Variants in SLC1A4 observed in about 807,000 individuals in gnomAD.
SLC1A4 encodes neutral amino acid transporter A.
A neutral mutation model predicts 37.7 loss-of-function variants in SLC1A4; 19 were observed. The observed-to-expected ratio is 0.50, with a 90% CI of 0.35 to 0.74. SLC1A4 has a LOEUF of 0.74. Ranked by LOEUF, SLC1A4 falls within the 30% of genes least tolerant of loss-of-function variation. The probability of loss-of-function intolerance (pLI) is 0.01; values close to 1 mark genes in which losing one functional copy is unlikely to be tolerated. For missense variants in SLC1A4, 570 were observed against 712.9 expected, an observed-to-expected ratio of 0.80 and a Z score of 2.28; for synonymous variants, 299 against 309.8, an observed-to-expected ratio of 0.97 and a Z score of 0.37.
At chr2:65,014,499 T>C (rs540930720) in intron 4 of SLC1A4, among the ~76,000 whole-genome samples, 123 of 152,308 alleles carry the variant, frequency 8.1e-4, no homozygotes, top group Admixed American at 7.6e-3. Context: ...CTCATGACTG[T>C]AGGATGTTTA....
At chr2:64,992,557 A>G (rs1289421770) in intron 1 of SLC1A4, among the ~76,000 whole-genome samples, 3 of 152,188 alleles carry the variant, frequency 2.0e-5, no homozygotes, top group Non-Finnish European at 4.4e-5. Context: ...CAGGTGGTAT[A>G]TCCCATTTTA....
chr2:64,989,766 C>T lies in SLC1A4; in HGVS notation c.123C>T (p.Arg41=), dbSNP rs1672971168. The T allele has an allele frequency of 6.9e-7, 1 of 1,449,092 alleles. No individual in the cohort carries two copies. Among genetic ancestry groups the T allele is most frequent in the African/African-American group, 1.5e-5 (1 of 66,662 alleles). The allele number at this position is 1,449,092 out of a possible 1,614,324, so 89.8% of individuals were successfully genotyped here. The change falls in exon 1 of 8, where the codon CGC becomes CGT. Residue 41 remains arginine (R), a synonymous_variant. Transcript: ENST00000234256. ...RARRCAGFLR[R]QALVLLTVSG... Reference sequence around the variant, plus strand: ...GGCGTTGCGCGGGCTTCCTGCGGCGCCAAGCGCTGGTGCTGCTCACCGTGT... The same window carrying T: ...GGCGTTGCGCGGGCTTCCTGCGGCGTCAAGCGCTGGTGCTGCTCACCGTGT...
At position 64,990,102 on chromosome 2, in the gene SLC1A4, G is replaced by T; in HGVS notation, c.459G>T (p.Leu153=). 6.2e-7 allele frequency: 1 copy of T among 1,610,696 alleles called. No homozygotes were observed. Among genetic ancestry groups the T allele is most frequent in the Non-Finnish European group, 8.5e-7 (1 of 1,178,766 alleles). The change falls in exon 1 of 8, where the codon CTG becomes CTT. Residue 153 remains leucine (L), a synonymous_variant. Coordinates refer to ENST00000234256, the MANE Select transcript of SLC1A4 (RefSeq NM_003038.5). Reference sequence around the variant, plus strand: ...CGCAGACCCTTCAGTCCAGCGACCTGGGGCTGGAGGACTCGGGGCCTCCTC... The same window carrying T: ...CGCAGACCCTTCAGTCCAGCGACCTTGGGCTGGAGGACTCGGGGCCTCCTC... ...SGAQTLQSSD[L]GLEDSGPPPV... is the part of the protein sequence containing the mutation.
chr2:65,001,531 G>A (rs1354946920), intron 2 of SLC1A4, 41 bp downstream of exon 2: 2 of 1,570,330 alleles, frequency 1.3e-6, no homozygotes, highest in Non-Finnish European at 1.8e-6. Flanking sequence ...AACTTTGATG[G>A]AAGAAATGTA....
chr2:65,008,785 A>C (rs1673786976), intron 3 of SLC1A4, among the ~76,000 whole-genome samples: 1 of 152,210 alleles, frequency 6.6e-6, no homozygotes, highest in African/African-American at 2.4e-5. Flanking sequence ...GTTGGTTTTC[A>C]TTTGCCTGAC....
chr2:65,003,069 G>A (rs1673539413), intron 2 of SLC1A4, among the ~76,000 whole-genome samples: 1 of 152,146 alleles, frequency 6.6e-6, no homozygotes, highest in South Asian at 2.1e-4. Flanking sequence ...AAAAATATAG[G>A]TATATGGGGC....
chr2:65,013,949 T>G (rs1426492239), intron 4 of SLC1A4, among the ~76,000 whole-genome samples: 2 of 152,332 alleles, frequency 1.3e-5, no homozygotes, highest in African/African-American at 4.8e-5. Context: ...TGAAAGAGCA[T>G]GACTGTGTTC....
At position 65,021,320 on chromosome 2, in the gene SLC1A4, G is replaced by A. The variant is rs1332328272; in HGVS notation, c.*174G>A. ...GGCACTGGCATTGGGCTCCCCAGCC[G>A]GAACTGGTTACCAAGGACAAGGACA... On this transcript the variant is annotated 3_prime_UTR_variant, in exon 8 of 8. Transcript: ENST00000234256. The A allele has an allele frequency of 3.1e-5, 19 of 603,734 alleles. No homozygotes were observed. Among genetic ancestry groups the A allele is most frequent in the Non-Finnish European group, 4.1e-5 (14 of 340,762 alleles). 37.4% of individuals were successfully genotyped at this position (603,734 alleles called of 1,614,324 possible).
Position 65,009,737 on chromosome 2 carries a change from G to A in SLC1A4, c.634-860G>A, listed in dbSNP as rs1433633618. On this transcript the variant is annotated intron_variant, in intron 3 of 7. Transcript: ENST00000234256. ...GCAGTAAGGAGATTCAGCATTGCTG[G>A]AAAAAATTAAGAATACAGTATGTCT... 2.0e-5 allele frequency among the ~76,000 whole-genome samples: 3 copies of A among 152,272 alleles called. No homozygotes were observed. In the East Asian group the frequency reaches 5.8e-4, roughly 29 times the overall value.
chr2:65,006,777 GT>G (rs981103437), intron 3 of SLC1A4, among the ~76,000 whole-genome samples: 18 of 151,966 alleles, frequency 1.2e-4, no homozygotes, highest in Non-Finnish European at 2.1e-4. Context: ...CTAAAAAAAA[GT>G]TTTTTTTCTA....
At chr2:65,000,845 A>G (rs1673427498) in intron 1 of SLC1A4, 1 of 152,390 alleles carries the variant, frequency 6.6e-6, no homozygotes. Context: ...TAACAGGACA[A>G]ATGTGTGGGA....
chr2:65,021,217 C>A lies in SLC1A4; in HGVS notation c.*71C>A. The A allele has an allele frequency of 1.6e-6, 2 of 1,284,534 alleles. No homozygotes were observed. The highest frequency in any genetic ancestry group is 2.2e-6 in the Non-Finnish European group (2 of 899,598). The allele number at this position is 1,284,534 out of a possible 1,614,324, so 79.6% of individuals were successfully genotyped here. A position where few individuals can be genotyped will look rare whatever the true frequency, so the allele number is the denominator to read the frequency against. On this transcript the variant is annotated 3_prime_UTR_variant, in exon 8 of 8. Transcript: ENST00000234256. ...TGTTCACCCAGCCGCCAGTCATGGA[C>A]ACAGGGCACTGCCCTTGCCAACTTT...
intron 1 of SLC1A4, among the ~76,000 whole-genome samples, chr2:64,992,643 G>C (rs185816058): frequency 6.6e-6 from 1 of 152,132 alleles, no homozygotes; most frequent in Non-Finnish European, 1.5e-5. Context: ...GAGATTAGAA[G>C]GACTGTGGGT....
intron 1 of SLC1A4, chr2:65,000,419 T>C (rs1485885889): frequency 6.6e-6 from 1 of 152,180 alleles, no homozygotes; most frequent in Non-Finnish European, 1.5e-5. Context: ...AGGAAAATAA[T>C]TATAACAAAA....
chr2:65,002,111 C>A (rs758043513), intron 2 of SLC1A4, among the ~76,000 whole-genome samples: 1 of 152,058 alleles, frequency 6.6e-6, no homozygotes, highest in Non-Finnish European at 1.5e-5. Flanking sequence ...GAAACCCCGT[C>A]TCCATTAAAG....
intron 7 of SLC1A4, among the ~76,000 whole-genome samples, chr2:65,020,548 T>C (rs1433432574): frequency 6.6e-6 from 1 of 152,152 alleles, no homozygotes; most frequent in Non-Finnish European, 1.5e-5. Context: ...ATTACAGACA[T>C]GAGCCACTGT....
At position 64,989,519 on chromosome 2, in the gene SLC1A4, C is replaced by A; in HGVS notation, c.-125C>A. 1.2e-6 allele frequency: 1 copy of A among 839,126 alleles called. No homozygotes were observed. Among genetic ancestry groups the A allele is most frequent in the Non-Finnish European group, 1.7e-6 (1 of 605,798 alleles). The allele number at this position is 839,126 out of a possible 1,614,324, so 52.0% of individuals were successfully genotyped here. ...CCTGCTCCTGCGCCAGGCCCGGAGA[C>A]CCCCGGGGCGGCTTCCCAGAACCTG... On this transcript the variant is annotated 5_prime_UTR_variant, in exon 1 of 8. Coordinates refer to ENST00000234256, the MANE Select transcript of SLC1A4 (RefSeq NM_003038.5).
At chr2:65,017,865 G>C (rs139122993) in intron 5 of SLC1A4, among the ~76,000 whole-genome samples, 2 of 152,222 alleles carry the variant, frequency 1.3e-5, no homozygotes, top group African/African-American at 4.8e-5. Context: ...AATGAAGGCA[G>C]TCATATTTTA....
At position 65,018,620 on chromosome 2, in the gene SLC1A4, G is replaced by A. The variant is rs749622416; in HGVS notation, c.1305G>A (p.Leu435=). 7 of 1,614,102 alleles carry A rather than the reference G, an allele frequency of 4.3e-6. No homozygotes were observed. The highest frequency in any genetic ancestry group is 5.9e-6 in the Non-Finnish European group (7 of 1,180,052). ...GGGTCCTCACCATTGCCATTATCCTGGAGGCCATTGGGCTGCCTACTCATG... is the reference window on the plus strand; with the variant it reads ...GGGTCCTCACCATTGCCATTATCCTAGAGGCCATTGGGCTGCCTACTCATG... The part of the protein sequence containing the change: ...AGGVLTIAII[L]EAIGLPTHDL... Residue 435 remains leucine, a synonymous_variant, in exon 7 of 8, where the codon CTG becomes CTA. Transcript: ENST00000234256. The surrounding 1 kb of genome is among the most constrained non-coding windows in gnomAD (Gnocchi z 4.3).
Sources: gnomAD v4.1 joint callset for allele counts (sites outside exome capture counted in the v4.1 genomes callset) on GRCh38, gnomAD v4.1.1 for gene constraint, Gnocchi (gnomAD v3.1) non-coding constraint, MANE v1.5 for transcripts, NCBI Gene and HGNC (gene_info 2026-07-23, HGNC 2026-07-21) for gene names.